The following SMYD3 variants were observed in gnomAD, a reference collection of about 807,000 sequenced individuals.
SMYD3 encodes SET and MYND domain containing 3.
A neutral mutation model predicts 57.7 loss-of-function variants in SMYD3; 36 were observed. The ratio of observed to expected loss-of-function variants is 0.62; its 90% CI spans 0.48 to 0.82. SMYD3 has a LOEUF of 0.82. SMYD3 is among the 40% of genes least tolerant of loss of function. The probability of loss-of-function intolerance (pLI) is 0.00; values close to 1 mark genes in which losing one functional copy is unlikely to be tolerated. For missense variants in SMYD3, 515 were observed against 538.8 expected, an observed-to-expected ratio of 0.96 and a Z score of 0.44; for synonymous variants, 211 against 195.0, an observed-to-expected ratio of 1.08 and a Z score of -0.68.
chr1:246,214,906 T>C (rs912936899), intron 5 of SMYD3, among the ~76,000 whole-genome samples: 10 of 152,196 alleles, frequency 6.6e-5, no homozygotes, highest in Non-Finnish European at 1.5e-4. Flanking sequence ...AACTTATATA[T>C]ATGCTCTATT....
chr1:245,966,166 CCTT>C (rs1240608441), intron 5 of SMYD3, among the ~76,000 whole-genome samples: 1 of 152,032 alleles, frequency 6.6e-6, no homozygotes, highest in East Asian at 1.9e-4. Flanking sequence ...TTCCTTCTCT[CCTT>C]CTCTCTCTCT....
At chr1:246,466,657 C>T (rs905141539) in intron 1 of SMYD3, among the ~76,000 whole-genome samples, 3 of 152,128 alleles carry the variant, frequency 2.0e-5, no homozygotes, top group African/African-American at 7.2e-5. Flanking sequence ...AAAACCTGCA[C>T]ACGTATCCCT....
intron 5 of SMYD3, among the ~76,000 whole-genome samples, chr1:246,116,896 GCTAA>G (rs2061350244): frequency 6.6e-6 from 1 of 152,294 alleles, no homozygotes; most frequent in Admixed American, 6.5e-5. Context: ...AAATTAGACT[GCTAA>G]CTGACTCCAA....
chr1:246,020,511 T>C (rs1307087621), intron 5 of SMYD3, among the ~76,000 whole-genome samples: 1 of 152,230 alleles, frequency 6.6e-6, no homozygotes, highest in Non-Finnish European at 1.5e-5. Context: ...CCATTTCAAA[T>C]GCTTTAGTTT....
chr1:246,145,891 A>G (rs2061835611), intron 5 of SMYD3, among the ~76,000 whole-genome samples: 1 of 152,230 alleles, frequency 6.6e-6, no homozygotes, highest in Non-Finnish European at 1.5e-5. Flanking sequence ...AGAAAGGTCA[A>G]AGAGTCTTAC....
chr1:245,821,313 T>C (rs1387213052), intron 10 of SMYD3, among the ~76,000 whole-genome samples: 1 of 150,808 alleles, frequency 6.6e-6, no homozygotes, highest in African/African-American at 2.4e-5. Context: ...CCCTATTTAA[T>C]AAATGGTGCT....
intron 5 of SMYD3, among the ~76,000 whole-genome samples, chr1:245,985,419 C>G (rs764334247): frequency 6.6e-6 from 1 of 152,164 alleles, no homozygotes; most frequent in Non-Finnish European, 1.5e-5. Context: ...TAATTTCTAC[C>G]TTGTTCCTGT....
intron 2 of SMYD3, among the ~76,000 whole-genome samples, chr1:246,340,087 G>A (rs970487563): frequency 1.8e-4 from 28 of 152,072 alleles, no homozygotes; most frequent in South Asian, 8.3e-4. Flanking sequence ...AAAGGAGGTC[G>A]TTATATATAC....
chr1:246,369,443 T>A (rs2066158627), intron 1 of SMYD3, among the ~76,000 whole-genome samples: 1 of 152,228 alleles, frequency 6.6e-6, no homozygotes, highest in African/African-American at 2.4e-5. Flanking sequence ...CATCCACCTA[T>A]CAAATGGCTA....
intron 5 of SMYD3, chr1:246,052,874 G>C (rs2060086044): frequency 6.6e-6 from 1 of 152,138 alleles, no homozygotes; most frequent in Admixed American, 6.5e-5. Flanking sequence ...TCCTAGAATA[G>C]GTGTTGCATA....
intron 10 of SMYD3, among the ~76,000 whole-genome samples, chr1:245,844,145 A>G (rs1474462922): frequency 6.6e-6 from 1 of 152,150 alleles, no homozygotes; most frequent in African/African-American, 2.4e-5. Flanking sequence ...GCCTTTTAAA[A>G]TGTTTGGAAA....
In SMYD3 at chr1:246,245,120, C is replaced by CTTTTTTTTTTTTTT. The variant is rs74163421; in HGVS notation, c.531+82067_531+82080dup. 2.1e-3 allele frequency among the ~76,000 whole-genome samples: 262 copies of CTTTTTTTTTTTTTT among 122,806 alleles called. 1 individual carries two copies. Among genetic ancestry groups the CTTTTTTTTTTTTTT allele is most frequent in the African/African-American group, 6.8e-3 (220 of 32,494 alleles). 80.6% of individuals were successfully genotyped at this position (122,806 alleles called of 152,430 possible). A position where few individuals can be genotyped will look rare whatever the true frequency, so the allele number is the denominator to read the frequency against. ...CCTAAAAGAATTCAGCAGCTACTGC[C>CTTTTTTTTTTTTTT]TTTTTTTTTTTTTTTTTTTTTAGTT... On this transcript the variant is annotated intron_variant, in intron 5 of 11. Transcript: ENST00000490107.
chr1:246,302,924 G>A (rs2064915490), intron 5 of SMYD3, among the ~76,000 whole-genome samples: 1 of 152,110 alleles, frequency 6.6e-6, no homozygotes, highest in African/African-American at 2.4e-5. Context: ...CATACAAAAG[G>A]TATGTGGACC....
chr1:246,403,036 AG>A (rs1390007520), intron 1 of SMYD3, among the ~76,000 whole-genome samples: 7 of 152,102 alleles, frequency 4.6e-5, no homozygotes, highest in African/African-American at 1.7e-4. Context: ...GTCCATTAAG[AG>A]TCACCATTAA....
At chr1:246,179,821 CCA>C (rs1263906696) in intron 5 of SMYD3, among the ~76,000 whole-genome samples, 4 of 152,176 alleles carry the variant, frequency 2.6e-5, no homozygotes, top group Non-Finnish European at 4.4e-5. Context: ...GACCCTCCAT[CCA>C]CAGTCTCTTT....
At chr1:246,262,131 G>T (rs55886501) in intron 5 of SMYD3, among the ~76,000 whole-genome samples, 31,556 of 152,030 alleles carry the variant, frequency 0.21, 3,986 homozygotes, top group East Asian at 0.58. Context: ...CTTTTTCACA[G>T]AACAGAATTA....
chr1:246,249,920 C>A (rs977490072), intron 5 of SMYD3, among the ~76,000 whole-genome samples: 1 of 152,178 alleles, frequency 6.6e-6, no homozygotes, highest in Admixed American at 6.5e-5. Context: ...GAGCAGCTCC[C>A]CCAGGTAGTC....
intron 7 of SMYD3, among the ~76,000 whole-genome samples, chr1:245,926,855 G>A (rs751937296): frequency 3.9e-5 from 6 of 152,000 alleles, no homozygotes; most frequent in Non-Finnish European, 2.9e-5. Flanking sequence ...AGTCCTTTGC[G>A]GCCCCAGAAA....
intron 5 of SMYD3, among the ~76,000 whole-genome samples, chr1:246,168,964 G>C (rs1291951053): frequency 6.6e-6 from 1 of 152,120 alleles, no homozygotes; most frequent in African/African-American, 2.4e-5. Flanking sequence ...CACCTGCTAT[G>C]TACTCTGGTC....
Sources: allele counts gnomAD v4.1 joint callset (sites outside exome capture counted in the v4.1 genomes callset), GRCh38; gene constraint gnomAD v4.1.1; transcripts MANE v1.5; gene names NCBI Gene and HGNC (gene_info 2026-07-23, HGNC 2026-07-21).